The following KLRF1 variants were observed in gnomAD, a reference collection of about 807,000 sequenced individuals.
KLRF1 encodes killer cell lectin like receptor F1, also known as killer cell lectin-like receptor subfamily F member 1.
KLRF1 carries 27 observed loss-of-function variants against 30.7 expected under a neutral mutation model. The ratio of observed to expected loss-of-function variants is 0.88; its 90% CI spans 0.65 to 1.21. The LOEUF is 1.21. KLRF1 is among the 50% of genes most tolerant of loss of function. The pLI is 0.00. For missense variants in KLRF1, 246 were observed against 259.3 expected, an observed-to-expected ratio of 0.95 and a Z score of 0.35; for synonymous variants, 92 against 89.3, an observed-to-expected ratio of 1.03 and a Z score of -0.17.
chr12:9,805,257 C>T, the KLRF1 span, among the ~76,000 whole-genome samples: 1 of 151,924 alleles, frequency 6.6e-6, no homozygotes, highest in Non-Finnish European at 1.5e-5. Flanking sequence ...AATCAAGCTG[C>T]TAGCAGGCTC....
At chr12:9,830,321 T>A (rs1867385198) in intron 1 of KLRF1, among the ~76,000 whole-genome samples, 2 of 152,146 alleles carry the variant, frequency 1.3e-5, no homozygotes, top group Non-Finnish European at 2.9e-5. Context: ...TTCAATTGAT[T>A]CTTTTATTTT....
At chr12:9,840,024 G>C (rs1267839203) in intron 3 of KLRF1, among the ~76,000 whole-genome samples, 1 of 152,076 alleles carries the variant, frequency 6.6e-6, no homozygotes, top group Non-Finnish European at 1.5e-5. Flanking sequence ...CCATAAAATA[G>C]AATGTAGTAC....
intron 3 of KLRF1, among the ~76,000 whole-genome samples, chr12:9,837,836 G>A (rs1206876356): frequency 6.6e-6 from 1 of 152,104 alleles, no homozygotes; most frequent in Non-Finnish European, 1.5e-5. Flanking sequence ...AACAAACTCA[G>A]TTACATGTTG....
At chr12:9,803,402 G>A in the KLRF1 span, among the ~76,000 whole-genome samples, 1 of 152,022 alleles carries the variant, frequency 6.6e-6, no homozygotes, top group Non-Finnish European at 1.5e-5. Flanking sequence ...CTTGGGCAGA[G>A]TAGAAGTCTT....
At chr12:9,812,477 G>A in the KLRF1 span, among the ~76,000 whole-genome samples, 1 of 151,990 alleles carries the variant, frequency 6.6e-6, no homozygotes, top group Non-Finnish European at 1.5e-5. Context: ...TTGTCCGCTG[G>A]CATCAGGCAA....
chr12:9,833,901 CTTTTTT>C lies in KLRF1; in HGVS notation c.334+469_334+474del, dbSNP rs35443913. Among the ~76,000 whole-genome samples the C allele has an allele frequency of 3.2e-3, 267 of 82,406 alleles. 3 individuals are homozygous for C. The highest frequency in any genetic ancestry group is 0.013 in the African/African-American group (242 of 18,060). 54.1% of individuals were successfully genotyped at this position (82,406 alleles called of 152,430 possible). A position where few individuals can be genotyped will look rare whatever the true frequency, so the allele number is the denominator to read the frequency against. On this transcript the variant is annotated intron_variant, in intron 3 of 5. Transcript: ENST00000617889. The stretch of plus-strand genomic sequence containing the variant: ...TTACCTTCTATTTTTAAATGTTTAA[CTTTTTT>C]TTTTTTTTTTTTTTTTTTTGAGCAA...
At position 9,838,542 on chromosome 12, in the gene KLRF1, A is replaced by G. The variant is rs746287138; in HGVS notation, c.335-3270A>G. On this transcript the variant is annotated intron_variant, in intron 3 of 5. Coordinates refer to ENST00000617889, the MANE Select transcript of KLRF1 (RefSeq NM_016523.3). ...GAAAGCTTTTACACTATTGGCGGGCACCACGTAGTGGAAAACAGTCAATCT... is the reference window on the plus strand; with the variant it reads ...GAAAGCTTTTACACTATTGGCGGGCGCCACGTAGTGGAAAACAGTCAATCT... Among the ~76,000 whole-genome samples the G allele has an allele frequency of 8.5e-5, 13 of 152,238 alleles. No individual in the cohort carries two copies. The South Asian group carries it at 1.9e-3, about 22-fold the overall frequency.
At chr12:9,827,401 A>G, upstream of KLRF1, 1 of 420,488 alleles carries the variant, frequency 2.4e-6, no homozygotes, top group East Asian at 3.6e-5. Context: ...AATAAGTGAA[A>G]CTGTGAACCC....
At chr12:9,844,020 T>A (rs1867759395) in intron 5 of KLRF1, among the ~76,000 whole-genome samples, 1 of 152,180 alleles carries the variant, frequency 6.6e-6, no homozygotes, top group Non-Finnish European at 1.5e-5. Flanking sequence ...CAAACCTCAA[T>A]TCATATAACT....
chr12:9,812,181 T>C, the KLRF1 span, among the ~76,000 whole-genome samples: 3 of 151,780 alleles, frequency 2.0e-5, no homozygotes, highest in Non-Finnish European at 4.4e-5. Context: ...CTGGCTAACA[T>C]GGTGAAACCC....
chr12:9,812,201 TA>T, the KLRF1 span, among the ~76,000 whole-genome samples: 3 of 151,888 alleles, frequency 2.0e-5, no homozygotes, highest in African/African-American at 7.3e-5. Context: ...CCGTCTCTAC[TA>T]AAAATACATA....
chr12:9,816,795 G>A, the KLRF1 span, among the ~76,000 whole-genome samples: 119 of 148,368 alleles, frequency 8.0e-4, 1 homozygote, highest in South Asian at 2.1e-4. Flanking sequence ...GTGCAGTGGC[G>A]CGATCTCGGC....
At chr12:9,810,815 C>T in the KLRF1 span, among the ~76,000 whole-genome samples, 1 of 152,164 alleles carries the variant, frequency 6.6e-6, no homozygotes, top group African/African-American at 2.4e-5. Context: ...CAGTGTACTT[C>T]CCATTTCCCA....
intron 3 of KLRF1, 64 bp downstream of exon 3, chr12:9,833,516 T>G: frequency 7.2e-7 from 1 of 1,390,774 alleles, no homozygotes; most frequent in Non-Finnish European, 9.5e-7. Context: ...TGTGAAGTAT[T>G]TTTGAACAGG....
chr12:9,843,713 A>G (rs1315902171), intron 5 of KLRF1, among the ~76,000 whole-genome samples: 1 of 152,136 alleles, frequency 6.6e-6, no homozygotes, highest in Non-Finnish European at 1.5e-5. Context: ...TAATATGTTC[A>G]ATACAAAATT....
At chr12:9,842,290 T>G (rs766865358) in intron 4 of KLRF1, 31 bp from the exon 5 acceptor site, 2 of 1,604,856 alleles carry the variant, frequency 1.2e-6, no homozygotes, top group East Asian at 4.5e-5. Flanking sequence ...CTAAAATATT[T>G]TGTTCATTTA....
intron 1 of KLRF1, among the ~76,000 whole-genome samples, chr12:9,829,326 T>C (rs1317434736): frequency 6.6e-6 from 1 of 152,222 alleles, no homozygotes; most frequent in African/African-American, 2.4e-5. Flanking sequence ...CTTTAAGTAA[T>C]TCCTCTCTCT....
At chr12:9,820,878 G>C in the KLRF1 span, among the ~76,000 whole-genome samples, 1 of 152,252 alleles carries the variant, frequency 6.6e-6, no homozygotes, top group Admixed American at 6.5e-5. Context: ...TACAGAAAGA[G>C]TCCAGCCCCT....
chr12:9,831,411 T>C (rs750870854), intron 1 of KLRF1, among the ~76,000 whole-genome samples: 1 of 152,280 alleles, frequency 6.6e-6, no homozygotes, highest in East Asian at 1.9e-4. Context: ...GTAGTTTCTC[T>C]ATTTTCTCAG....
Sources: gnomAD v4.1 joint callset for allele counts (sites outside exome capture counted in the v4.1 genomes callset) on GRCh38, gnomAD v4.1.1 for gene constraint, MANE v1.5 for transcripts, NCBI Gene and HGNC (gene_info 2026-07-23, HGNC 2026-07-21) for gene names.